CTCF: variants seen among roughly 807,000 people sequenced by gnomAD.
The protein encoded by CTCF is CCCTC-binding factor, also known as transcriptional repressor CTCF.
Under a neutral mutation model 72.3 loss-of-function variants are expected in CTCF, and 7 were observed. The observed-to-expected ratio is 0.10, with a 90% CI of 0.06 to 0.18. The LOEUF (loss-of-function observed/expected upper bound fraction) is 0.18, where lower values mean the gene tolerates loss of function less well. Among genes scored for constraint, CTCF ranks in the 10% least tolerant of loss-of-function variants. The pLI is 1.00. For synonymous variants in CTCF, 374 were observed against 315.8 expected, an observed-to-expected ratio of 1.18 and a Z score of -1.95; for missense variants, 516 against 949.1, an observed-to-expected ratio of 0.54 and a Z score of 6.00.
rs548309717 is a variant in CTCF at position 67,603,551 on chromosome 16, G to A, written c.-9-7273G>A. Among the ~76,000 whole-genome samples the A allele has an allele frequency of 5.3e-5, 8 of 151,390 alleles. No homozygotes were observed. The East Asian group carries it at 1.4e-3, about 26-fold the overall frequency. ...CCCTCTCAAAAAAAAAAGGCTGGGT[G>A]TGGTGGCTCACACCTGTAATCCTGG... On this transcript the variant is annotated intron_variant, in intron 2 of 11. Coordinates refer to ENST00000264010, the MANE Select transcript of CTCF (RefSeq NM_006565.4).
At chr16:67,580,960 G>A (rs1250322654) in intron 2 of CTCF, among the ~76,000 whole-genome samples, 1 of 150,672 alleles carries the variant, frequency 6.6e-6, no homozygotes, top group East Asian at 2.0e-4. Flanking sequence ...ATGGAATCTC[G>A]CTCTTTCGCC....
At chr16:67,587,236 G>A (rs1319797967) in intron 2 of CTCF, among the ~76,000 whole-genome samples, 1 of 151,616 alleles carries the variant, frequency 6.6e-6, no homozygotes, top group East Asian at 1.9e-4. Flanking sequence ...TGCTGGAATG[G>A]TAGGCGTGAG....
intron 2 of CTCF, among the ~76,000 whole-genome samples, chr16:67,582,162 G>C (rs2051591966): frequency 6.7e-6 from 1 of 149,960 alleles, no homozygotes; most frequent in Non-Finnish European, 1.5e-5. Flanking sequence ...AGTGAGCCGA[G>C]ATCGTGCCAC....
chr16:67,610,876 C>G lies in CTCF; in HGVS notation c.44C>G (p.Thr15Ser). ...AVEAIVEESE[T>S]FIKGKERKTY... is the part of the protein sequence containing the mutation. Reference sequence around the variant, plus strand: ...GAAGCCATTGTGGAGGAGTCCGAAACTTTTATTAAAGGAAAGGAGAGAAAG... The same window carrying G: ...GAAGCCATTGTGGAGGAGTCCGAAAGTTTTATTAAAGGAAAGGAGAGAAAG... The change falls in exon 3 of 12, where the codon ACT (threonine) becomes AGT (serine). Residue 15 changes from threonine (T) to serine (S), a missense_variant. By Grantham distance (58) the Thr-to-Ser change is moderately conservative (BLOSUM62 1). Transcript: ENST00000264010. The G allele has an allele frequency of 6.7e-7, 1 of 1,502,352 alleles. No individual in the cohort carries two copies. Among genetic ancestry groups the G allele is most frequent in the Non-Finnish European group, 8.9e-7 (1 of 1,125,190 alleles). The allele number at this position is 1,502,352 out of a possible 1,614,324, so 93.1% of individuals were successfully genotyped here. A position where few individuals can be genotyped will look rare whatever the true frequency, so the allele number is the denominator to read the frequency against.
intron 2 of CTCF, among the ~76,000 whole-genome samples, chr16:67,572,006 G>A (rs531557125): frequency 1.3e-5 from 2 of 152,070 alleles, no homozygotes; most frequent in African/African-American, 4.8e-5. Flanking sequence ...TCAGACCCTA[G>A]AAAAATGTGA....
At chr16:67,572,978 C>T (rs2051445283) in intron 2 of CTCF, among the ~76,000 whole-genome samples, 2 of 110,930 alleles carry the variant, frequency 1.8e-5, no homozygotes, top group Non-Finnish European at 3.4e-5. Flanking sequence ...AAAGACTGGG[C>T]GCGGTGGCTC....
At chr16:67,616,947 A>G in intron 5 of CTCF, 69 bp downstream of exon 5, 1 of 1,505,590 alleles carries the variant, frequency 6.6e-7, no homozygotes, top group East Asian at 2.3e-5. Flanking sequence ...CAAAGCTATA[A>G]CTACTACCCA....
chr16:67,567,320 GT>G (rs1488059873), intron 1 of CTCF, among the ~76,000 whole-genome samples: 2 of 152,152 alleles, frequency 1.3e-5, no homozygotes, highest in African/African-American at 2.4e-5. Flanking sequence ...CTTGATCCTT[GT>G]TTTTGGTCAC....
chr16:67,636,848 C>G lies in CTCF; in HGVS notation c.1996C>G (p.Gln666Glu). The G allele has an allele frequency of 1.3e-6, 2 of 1,573,154 alleles. No homozygotes were observed. Among genetic ancestry groups the G allele is most frequent in the Non-Finnish European group, 1.7e-6 (2 of 1,157,526 alleles). Residue 666 changes from glutamine to glutamate, a missense_variant, in exon 11 of 12, where the codon CAG becomes GAG. This residue lies in a region of CTCF where 157 missense variants were observed against 172.9 expected (regional missense o/e 0.91). Coordinates refer to ENST00000264010, the MANE Select transcript of CTCF (RefSeq NM_006565.4). ...CAGAACCAACCAGCCCAAACAGAAC[C>G]AGCGTAAGTTGTTCATCTCTGCTCT... Reference protein sequence around the residue: ...PGRTNQPKQNQPTAIIQVEDQ... With the variant: ...PGRTNQPKQNEPTAIIQVEDQ...
intron 1 of CTCF, chr16:67,567,891 T>G (rs895963595): frequency 1.1e-4 from 5 of 46,972 alleles, no homozygotes. Flanking sequence ...CATACTCGGC[T>G]TTTTTTTTTT....
intron 2 of CTCF, among the ~76,000 whole-genome samples, chr16:67,572,992 C>T (rs988259955): frequency 3.6e-5 from 5 of 139,252 alleles, no homozygotes; most frequent in African/African-American, 1.3e-4. Flanking sequence ...GTGGCTCACG[C>T]CTGTAATCCC....
Position 67,599,511 on chromosome 16 carries a change from T to C in CTCF, c.-9-11313T>C, listed in dbSNP as rs540998373. Reference sequence around the variant, plus strand: ...GGCCCTTGCATCCTCACACTCACCATTCAGCAGGGGCAGAGAAGCATTAAG... The same window carrying C: ...GGCCCTTGCATCCTCACACTCACCACTCAGCAGGGGCAGAGAAGCATTAAG... On this transcript the variant is annotated intron_variant, in intron 2 of 11. Transcript: ENST00000264010. Among the ~76,000 whole-genome samples the C allele has an allele frequency of 3.9e-5, 6 of 152,288 alleles. 1 individual carries two copies. The highest frequency in any genetic ancestry group is 1.4e-4 in the African/African-American group (6 of 41,580).
intron 2 of CTCF, among the ~76,000 whole-genome samples, chr16:67,591,099 C>T (rs576974401): frequency 2.0e-5 from 3 of 151,966 alleles, no homozygotes; most frequent in South Asian, 2.1e-4. Context: ...TTGAGACTAG[C>T]CTAGCCAACA....
At chr16:67,566,825 C>T (rs1481914374) in intron 1 of CTCF, among the ~76,000 whole-genome samples, 7 of 152,094 alleles carry the variant, frequency 4.6e-5, no homozygotes, top group South Asian at 2.1e-4. Context: ...CCCGCCTCCG[C>T]CTCTCAAAGT....
chr16:67,603,607 G>A (rs1301319391), intron 2 of CTCF, among the ~76,000 whole-genome samples: 1 of 151,714 alleles, frequency 6.6e-6, no homozygotes, highest in Non-Finnish European at 1.5e-5. Flanking sequence ...GGCGGATCAG[G>A]AGGTCAGGAG....
intron 7 of CTCF, among the ~76,000 whole-genome samples, chr16:67,622,237 T>A (rs2052210121): frequency 1.3e-5 from 2 of 151,736 alleles, no homozygotes; most frequent in Admixed American, 6.6e-5. Context: ...GCGCCTGTAG[T>A]CCCAGCTACT....
At chr16:67,635,738 C>G (rs542791034) in intron 10 of CTCF, 1 of 152,268 alleles carries the variant, frequency 6.6e-6, no homozygotes, top group East Asian at 2.0e-4. Flanking sequence ...ATACACCCAC[C>G]TCAGCCTCCC....
chr16:67,601,395 G>A (rs1470169052), intron 2 of CTCF, among the ~76,000 whole-genome samples: 1 of 151,330 alleles, frequency 6.6e-6, no homozygotes, highest in South Asian at 2.1e-4. Context: ...CTGGAGTGCA[G>A]TGGCGTGATC....
intron 8 of CTCF, 93 bp downstream of exon 8, chr16:67,626,808 G>T: frequency 1.1e-6 from 1 of 940,954 alleles, no homozygotes; most frequent in Non-Finnish European, 1.4e-6. Flanking sequence ...TGTTTTTAAA[G>T]ATAGTATTTT....
Sources: allele counts gnomAD v4.1 joint callset (sites outside exome capture counted in the v4.1 genomes callset), GRCh38; gene constraint gnomAD v4.1.1; regional missense constraint gnomAD v4.1.1; transcripts MANE v1.5; gene names NCBI Gene and HGNC (gene_info 2026-07-23, HGNC 2026-07-21).